Variants in RIC1 observed in about 807,000 individuals in gnomAD.
RIC1 encodes the protein RIC1 partner of RAB6A GEF complex.
RIC1 carries 88 observed loss-of-function variants against 169.0 expected under a neutral mutation model. The observed-to-expected ratio is 0.52, with a 90% CI of 0.44 to 0.62. The LOEUF (loss-of-function observed/expected upper bound fraction) is 0.62, where lower values mean the gene tolerates loss of function less well. Ranked by LOEUF, RIC1 falls within the 20% of genes least tolerant of loss-of-function variation. RIC1 has a pLI of 0.00. For missense variants in RIC1, 1,877 were observed against 1,725.5 expected (o/e 1.09, Z -1.56); for synonymous variants, 790 against 601.5 (o/e 1.31, Z -4.59).
At chr9:5,682,945 G>A (rs1209461364) in intron 2 of RIC1, among the ~76,000 whole-genome samples, 1 of 152,038 alleles carries the variant, frequency 6.6e-6, no homozygotes, top group Non-Finnish European at 1.5e-5. Flanking sequence ...CTTTCTTCCA[G>A]TTGATCGCAT....
intron 1 of RIC1, among the ~76,000 whole-genome samples, chr9:5,652,449 G>A (rs911039769): frequency 6.6e-5 from 10 of 151,690 alleles, no homozygotes; most frequent in Admixed American, 3.3e-4. Context: ...TGTTCTTTGG[G>A]TTTTTTTATA....
At chr9:5,698,434 C>G (rs1016229730) in intron 3 of RIC1, among the ~76,000 whole-genome samples, 12 of 152,136 alleles carry the variant, frequency 7.9e-5, no homozygotes, top group South Asian at 4.1e-4. Context: ...TTAAGGGCCA[C>G]TCATTAACAT....
rs528790282 is a variant in RIC1 at position 5,755,012 on chromosome 9, G to A, written c.1692+82G>A. 13 of 833,344 alleles carry A rather than the reference G, an allele frequency of 1.6e-5. No homozygotes were observed. The East Asian group carries it at 1.8e-4, about 11-fold the overall frequency. 51.6% of individuals were successfully genotyped at this position (833,344 alleles called of 1,614,324 possible). A position where few individuals can be genotyped will look rare whatever the true frequency, so the allele number is the denominator to read the frequency against. On this transcript the variant is annotated intron_variant, in intron 15 of 25. Coordinates refer to ENST00000414202, the MANE Select transcript of RIC1 (RefSeq NM_020829.4). ...AATTAATTTTATATAGAAAATAGTC[G>A]ATTGAAAACTGAACAAAACATTTTA...
At chr9:5,638,932 C>G (rs975754345) in intron 1 of RIC1, among the ~76,000 whole-genome samples, 5 of 152,034 alleles carry the variant, frequency 3.3e-5, no homozygotes, top group African/African-American at 1.2e-4. Context: ...TTCTTGTTTT[C>G]TGAGACAGGG....
At chr9:5,677,226 G>C (rs1003509581) in intron 2 of RIC1, among the ~76,000 whole-genome samples, 1 of 152,122 alleles carries the variant, frequency 6.6e-6, no homozygotes, top group African/African-American at 2.4e-5. Context: ...TTCTGGTAGT[G>C]GTGTAGTGAT....
chr9:5,641,634 A>T (rs1459968921), intron 1 of RIC1, among the ~76,000 whole-genome samples: 1 of 114,710 alleles, frequency 8.7e-6, no homozygotes, highest in African/African-American at 5.3e-5. Flanking sequence ...GTCTCCTCTG[A>T]CTATATTGTC....
intron 4 of RIC1, among the ~76,000 whole-genome samples, chr9:5,715,280 G>A (rs1823162720): frequency 6.6e-6 from 1 of 152,142 alleles, no homozygotes; most frequent in Non-Finnish European, 1.5e-5. Flanking sequence ...GTACAGGCTT[G>A]GCTTTCTACC....
At chr9:5,704,155 T>C (rs1373779669) in intron 3 of RIC1, among the ~76,000 whole-genome samples, 3 of 152,146 alleles carry the variant, frequency 2.0e-5, no homozygotes, top group Admixed American at 1.3e-4. Flanking sequence ...TTTCATTTGC[T>C]CTTTGGCCAT....
chr9:5,631,783 C>T (rs1453553329), intron 1 of RIC1, among the ~76,000 whole-genome samples: 3 of 151,970 alleles, frequency 2.0e-5, no homozygotes, highest in Non-Finnish European at 4.4e-5. Flanking sequence ...TAGACTCCAG[C>T]TTCCAATCTT....
At chr9:5,703,339 A>G (rs1822354012) in intron 3 of RIC1, among the ~76,000 whole-genome samples, 1 of 152,166 alleles carries the variant, frequency 6.6e-6, no homozygotes, top group Non-Finnish European at 1.5e-5. Flanking sequence ...TAAAGCTCCA[A>G]AATAACCTCC....
At chr9:5,699,937 G>A (rs1235860107) in intron 3 of RIC1, among the ~76,000 whole-genome samples, 2 of 151,618 alleles carry the variant, frequency 1.3e-5, no homozygotes, top group Non-Finnish European at 2.9e-5. Flanking sequence ...TTGGCTTTAA[G>A]AACCACAACA....
intron 6 of RIC1, among the ~76,000 whole-genome samples, chr9:5,725,732 A>G (rs1055272121): frequency 8.6e-5 from 13 of 151,918 alleles, no homozygotes; most frequent in African/African-American, 2.9e-4. Context: ...TGCTTTAAAT[A>G]TGTCCCAGAG....
At chr9:5,767,080 A>G (rs536203759) in intron 21 of RIC1, among the ~76,000 whole-genome samples, 16 of 152,346 alleles carry the variant, frequency 1.1e-4, no homozygotes, top group African/African-American at 3.6e-4. Context: ...AAATGCAACA[A>G]ACTTTTAAAT....
intron 12 of RIC1, among the ~76,000 whole-genome samples, chr9:5,750,379 T>C (rs1388136035): frequency 6.6e-6 from 1 of 151,902 alleles, no homozygotes; most frequent in African/African-American, 2.4e-5. Flanking sequence ...CTTCACAAAA[T>C]GTGGAAGATA....
intron 22 of RIC1, 25 bp from the exon 23 acceptor site, chr9:5,770,062 T>G: frequency 6.4e-7 from 1 of 1,574,166 alleles, no homozygotes; most frequent in Non-Finnish European, 8.6e-7. Context: ...TTCCTCCATT[T>G]TTTGTTTTCG....
At chr9:5,717,582 C>T (rs1823329958) in intron 4 of RIC1, among the ~76,000 whole-genome samples, 1 of 152,318 alleles carries the variant, frequency 6.6e-6, no homozygotes, top group Admixed American at 6.5e-5. Flanking sequence ...CAGTAGCTCA[C>T]ACCTATAATC....
At chr9:5,765,837 C>T (rs113180251) in intron 21 of RIC1, 39 bp downstream of exon 21, 2 of 1,606,636 alleles carry the variant, frequency 1.2e-6, no homozygotes, top group Non-Finnish European at 1.7e-6. Context: ...TTTGGGCATT[C>T]ATGACACATT....
intron 1 of RIC1, among the ~76,000 whole-genome samples, chr9:5,631,514 C>T (rs758572379): frequency 6.6e-6 from 1 of 151,776 alleles, no homozygotes; most frequent in East Asian, 1.9e-4. Flanking sequence ...GGTGAAATCC[C>T]GTCTCTACTA....
At chr9:5,723,592 G>A (rs1045750843) in intron 6 of RIC1, among the ~76,000 whole-genome samples, 1 of 152,126 alleles carries the variant, frequency 6.6e-6, no homozygotes, top group African/African-American at 2.4e-5. Context: ...TTTGGCTTTT[G>A]TTGCCATTGC....
Sources: allele counts gnomAD v4.1 joint callset (sites outside exome capture counted in the v4.1 genomes callset), GRCh38; gene constraint gnomAD v4.1.1; transcripts MANE v1.5; gene names NCBI Gene and HGNC (gene_info 2026-07-23, HGNC 2026-07-21).